Variants in SYCP2L observed in about 807,000 individuals in gnomAD.
The protein encoded by SYCP2L is synaptonemal complex protein 2 like.
In SYCP2L, 98 loss-of-function variants were observed where a neutral mutation model predicts 125.8. That is an observed-to-expected ratio of 0.78 (90% CI 0.66 to 0.92). The LOEUF (loss-of-function observed/expected upper bound fraction) is 0.92. SYCP2L is among the 40% of genes least tolerant of loss of function. SYCP2L has a pLI of 0.00. For missense variants in SYCP2L, 842 were observed against 936.4 expected (o/e 0.90, Z 1.32); for synonymous variants, 317 against 325.4 (o/e 0.97, Z 0.28).
intron 19 of SYCP2L, among the ~76,000 whole-genome samples, chr6:10,930,925 C>T (rs1780987120): frequency 6.6e-6 from 1 of 152,194 alleles, no homozygotes; most frequent in African/African-American, 2.4e-5. Context: ...CTAATCCTGG[C>T]ACTTTGGGAG....
chr6:10,895,070 G>A (rs145841444), intron 4 of SYCP2L, among the ~76,000 whole-genome samples: 3 of 152,296 alleles, frequency 2.0e-5, no homozygotes, highest in African/African-American at 7.2e-5. Flanking sequence ...GGACTTTAAA[G>A]TGTTTGCAGG....
At chr6:10,967,457 GTGTGTGTGTGTGTGT>G (rs1781701922) in intron 29 of SYCP2L, among the ~76,000 whole-genome samples, 1 of 134,164 alleles carries the variant, frequency 7.5e-6, no homozygotes, top group Non-Finnish European at 1.6e-5. Context: ...GGTAGAGGGT[GTGTGTGTGTGTGTGT>G]GTGTGTGTGT....
intron 6 of SYCP2L, among the ~76,000 whole-genome samples, chr6:10,900,816 G>A (rs16870756): frequency 0.017 from 2,571 of 152,248 alleles, 76 homozygotes; most frequent in African/African-American, 0.059. Context: ...CTATAGCAAC[G>A]ACAGTTTGTG....
chr6:10,932,931 T>G (rs575249171), intron 20 of SYCP2L, among the ~76,000 whole-genome samples: 26 of 152,292 alleles, frequency 1.7e-4, no homozygotes, highest in African/African-American at 6.0e-4. Context: ...TGTTTGTATT[T>G]TCAGTAGAGA....
At chr6:10,969,506 G>T (rs1393661825) in intron 29 of SYCP2L, among the ~76,000 whole-genome samples, 1 of 151,474 alleles carries the variant, frequency 6.6e-6, no homozygotes, top group East Asian at 1.9e-4. Context: ...GACTACAGGC[G>T]CCCGCCACCA....
At chr6:10,957,823 T>A (rs1270073115) in intron 25 of SYCP2L, among the ~76,000 whole-genome samples, 1 of 152,056 alleles carries the variant, frequency 6.6e-6, no homozygotes, top group Non-Finnish European at 1.5e-5. Flanking sequence ...TCTCTATTTT[T>A]TTTAAAAAAG....
At chr6:10,943,321 A>T (rs1437099652) in intron 23 of SYCP2L, among the ~76,000 whole-genome samples, 1 of 152,162 alleles carries the variant, frequency 6.6e-6, no homozygotes, top group African/African-American at 2.4e-5. Flanking sequence ...TATCGAAAGG[A>T]TTCAACTAGT....
chr6:10,898,429 C>A (rs113085799), intron 5 of SYCP2L, among the ~76,000 whole-genome samples: 3,666 of 152,208 alleles, frequency 0.024, 115 homozygotes, highest in African/African-American at 0.068. Flanking sequence ...AGGAGAATCG[C>A]TTGAACCTGG....
At chr6:10,903,496 C>G (rs780918005) in intron 8 of SYCP2L, among the ~76,000 whole-genome samples, 1 of 151,752 alleles carries the variant, frequency 6.6e-6, no homozygotes, top group Non-Finnish European at 1.5e-5. Context: ...TGCAGTGAGC[C>G]GAGATCGCGC....
intron 25 of SYCP2L, among the ~76,000 whole-genome samples, chr6:10,958,050 A>T (rs1781530378): frequency 6.6e-6 from 1 of 152,188 alleles, no homozygotes; most frequent in Non-Finnish European, 1.5e-5. Context: ...TCTAACCAAC[A>T]TTCATTTAAT....
chr6:10,889,588 C>CTATTCTCTCT (rs1780139267), intron 1 of SYCP2L, among the ~76,000 whole-genome samples: 2 of 149,150 alleles, frequency 1.3e-5, no homozygotes, highest in African/African-American at 4.9e-5. Flanking sequence ...CTAGTGACCA[C>CTATTCTCTCT]TATTCTCTCT....
intron 14 of SYCP2L, 117 bp from the exon 15 acceptor site, chr6:10,924,379 T>C: frequency 1.2e-6 from 1 of 855,838 alleles, no homozygotes; most frequent in Admixed American, 3.8e-5. Flanking sequence ...TCTTTTCAAC[T>C]TCTTAACACA....
chr6:10,934,403 G>A (rs1212393368), intron 20 of SYCP2L, among the ~76,000 whole-genome samples: 1 of 152,236 alleles, frequency 6.6e-6, no homozygotes, highest in Admixed American at 6.5e-5. Context: ...AATTGGCTGG[G>A]TGCGGTGGCA....
intron 29 of SYCP2L, among the ~76,000 whole-genome samples, chr6:10,970,624 C>A (rs1781754416): frequency 6.6e-6 from 1 of 152,012 alleles, no homozygotes; most frequent in African/African-American, 2.4e-5. Flanking sequence ...ACCACTGTCA[C>A]TTAAGGAGGT....
At chr6:10,918,523 C>T (rs917054343) in intron 14 of SYCP2L, among the ~76,000 whole-genome samples, 5 of 149,132 alleles carry the variant, frequency 3.4e-5, no homozygotes, top group African/African-American at 1.2e-4. Flanking sequence ...ACCTTGTCTT[C>T]GGGCTCTGAC....
intron 29 of SYCP2L, among the ~76,000 whole-genome samples, chr6:10,972,735 C>T (rs1781796871): frequency 6.6e-6 from 1 of 152,066 alleles, no homozygotes; most frequent in Non-Finnish European, 1.5e-5. Flanking sequence ...GCTGTGTTGC[C>T]CAGGCTGGTC....
chr6:10,959,161 A>G (rs887994012), intron 26 of SYCP2L, among the ~76,000 whole-genome samples: 1 of 152,274 alleles, frequency 6.6e-6, no homozygotes, highest in Non-Finnish European at 1.5e-5. Flanking sequence ...AATATATGTT[A>G]AAAATACAGG....
chr6:10,891,517 A>G lies in SYCP2L; in HGVS notation c.14A>G (p.Asn5Ser), dbSNP rs1780171691. Reference sequence around the variant, plus strand: ...ACATGTTTTTATTCCACACAGAAAAACAAAGATGCTTTGCAGCCTATTAAG... The same window carrying G: ...ACATGTTTTTATTCCACACAGAAAAGCAAAGATGCTTTGCAGCCTATTAAG... MQAK[N>S]KDALQPIKED... Residue 5 changes from asparagine to serine, a missense_variant, in exon 2 of 30, where the codon AAC becomes AGC. Coordinates refer to ENST00000283141, the MANE Select transcript of SYCP2L (RefSeq NM_001040274.3). 1 of 1,597,084 alleles carries G rather than the reference A, an allele frequency of 6.3e-7. No homozygotes were observed. Among genetic ancestry groups the G allele is most frequent in the African/African-American group, 1.3e-5 (1 of 74,198 alleles).
chr6:10,968,394 A>C (rs1187227796), intron 29 of SYCP2L, among the ~76,000 whole-genome samples: 4 of 152,190 alleles, frequency 2.6e-5, no homozygotes, highest in Admixed American at 6.5e-5. Flanking sequence ...AGTAGAATGC[A>C]GATGGTTGAC....
Sources: gnomAD v4.1 joint callset for allele counts (sites outside exome capture counted in the v4.1 genomes callset) on GRCh38, gnomAD v4.1.1 for gene constraint, MANE v1.5 for transcripts, NCBI Gene and HGNC (gene_info 2026-07-23, HGNC 2026-07-21) for gene names.